The following TRIM67 variants were observed in gnomAD, a reference collection of about 807,000 sequenced individuals.
TRIM67 encodes tripartite motif-containing protein 67.
A neutral mutation model predicts 71.0 loss-of-function variants in TRIM67; 39 were observed. That is an observed-to-expected ratio of 0.55 (90% confidence interval 0.43 to 0.72). TRIM67 has a LOEUF of 0.72. TRIM67 is among the 30% of genes least tolerant of loss of function. The pLI is 0.00. For missense variants in TRIM67, 973 were observed against 1,079.2 expected (o/e 0.90, Z 1.38); for synonymous variants, 481 against 473.9 (o/e 1.01, Z -0.19).
chr1:231,175,099 A>G (rs1422985323), intron 1 of TRIM67, among the ~76,000 whole-genome samples: 2 of 152,222 alleles, frequency 1.3e-5, no homozygotes, highest in African/African-American at 4.8e-5. Context: ...TGGTGCAGAC[A>G]GTGCAGCCAT....
In TRIM67 at chr1:231,206,796, C is replaced by T. The variant is rs770619270; in HGVS notation, c.1819+6C>T. On this transcript the variant is annotated splice_donor_region_variant and intron_variant, in intron 7 of 9. Transcript: ENST00000366653. Reference sequence around the variant, plus strand: ...CGTCCTGCAGACATCCGATGGTGAGCATCGGGATCTCTTAGTGGGAAGAAC... The same window carrying T: ...CGTCCTGCAGACATCCGATGGTGAGTATCGGGATCTCTTAGTGGGAAGAAC... 1.1e-5 allele frequency: 17 copies of T among 1,584,816 alleles called. No individual in the cohort carries two copies. Among genetic ancestry groups the T allele is most frequent in the Middle Eastern group, 3.5e-4 (2 of 5,738 alleles).
At chr1:231,215,075 G>A (rs1047808059) in intron 9 of TRIM67, among the ~76,000 whole-genome samples, 7 of 152,264 alleles carry the variant, frequency 4.6e-5, no homozygotes, top group African/African-American at 1.7e-4. Flanking sequence ...ACGGGAGCCA[G>A]TGCGTGAGAG....
At chr1:231,164,189 C>T (rs937885942) in intron 1 of TRIM67, among the ~76,000 whole-genome samples, 176 bp downstream of exon 1, 1 of 152,212 alleles carries the variant, frequency 6.6e-6, no homozygotes, top group African/African-American at 2.4e-5. Context: ...GTAAGGGACT[C>T]CCGGTACTTT....
chr1:231,199,902 A>G (rs1171720380), intron 3 of TRIM67, among the ~76,000 whole-genome samples: 1 of 152,162 alleles, frequency 6.6e-6, no homozygotes, highest in African/African-American at 2.4e-5. Flanking sequence ...CATGACTATC[A>G]TGAGTTTAGA....
chr1:231,190,989 T>A (rs570739294), intron 1 of TRIM67, among the ~76,000 whole-genome samples: 5 of 152,314 alleles, frequency 3.3e-5, no homozygotes, highest in Admixed American at 3.3e-4. Context: ...TCTGCCTCAA[T>A]CACAGGGTGA....
rs1684010684 is a variant in TRIM67, at chr1:231,216,244, C to T, written c.*804C>T. 1.0e-6 allele frequency: 1 copy of T among 972,108 alleles called. No homozygotes were observed. The highest frequency in any genetic ancestry group is 4.8e-5 in the South Asian group (1 of 20,998). 60.2% of individuals were successfully genotyped at this position (972,108 alleles called of 1,614,324 possible). A position where few individuals can be genotyped will look rare whatever the true frequency, so the allele number is the denominator to read the frequency against. On this transcript the variant is annotated 3_prime_UTR_variant, in exon 10 of 10. Coordinates refer to ENST00000366653, the MANE Select transcript of TRIM67 (RefSeq NM_001004342.5). ...CTCTCTTACTTTCCTCCATCCCTGC[C>T]TCTTTCTTCCCTCTTTCGCTCTCTT...
intron 4 of TRIM67, among the ~76,000 whole-genome samples, chr1:231,200,654 C>T (rs2102749546): frequency 6.6e-6 from 1 of 152,290 alleles, no homozygotes; most frequent in African/African-American, 2.4e-5. Flanking sequence ...AGACACAGTG[C>T]AATTTTCTCG....
At chr1:231,198,876 C>A (rs1683444644) in intron 2 of TRIM67, among the ~76,000 whole-genome samples, 171 bp from the exon 3 acceptor site, 1 of 152,148 alleles carries the variant, frequency 6.6e-6, no homozygotes. Flanking sequence ...TGATGAGATT[C>A]ATAGTACCTG....
Position 231,216,787 on chromosome 1 carries a change from C to A in TRIM67, c.*1347C>A, listed in dbSNP as rs1481575552. ...TCCACATTGATTCATCCACACCTCT[C>A]AGAGACAGCTCATGGCAGGGGTTTT... is the stretch of plus-strand genomic sequence containing the variant. On this transcript the variant is annotated 3_prime_UTR_variant, in exon 10 of 10. Coordinates refer to ENST00000366653, the MANE Select transcript of TRIM67 (RefSeq NM_001004342.5). The A allele has an allele frequency of 1.0e-6, 1 of 985,566 alleles. No homozygotes were observed. Among genetic ancestry groups the A allele is most frequent in the South Asian group, 4.7e-5 (1 of 21,294 alleles). 61.1% of individuals were successfully genotyped at this position (985,566 alleles called of 1,614,324 possible). A position where few individuals can be genotyped will look rare whatever the true frequency, so the allele number is the denominator to read the frequency against.
At position 231,200,249 on chromosome 1, in the gene TRIM67, G is replaced by A. The variant is rs760590597; in HGVS notation, c.1365G>A (p.Gly455=). 6.2e-7 allele frequency: 1 copy of A among 1,610,884 alleles called. No homozygotes were observed. The highest frequency in any genetic ancestry group is 1.3e-5 in the African/African-American group (1 of 74,846). Residue 455 remains glycine, a synonymous_variant, in exon 4 of 10, where the codon GGG becomes GGA. Coordinates refer to ENST00000366653, the MANE Select transcript of TRIM67 (RefSeq NM_001004342.5). The part of the protein sequence containing the change: ...LEVIKENDPS[G]FLQISDALIK... ...TGATCAAGGAGAACGACCCCTCCGG[G>A]TTCTTACAGGTGAGCCTGTCCCTGG...
chr1:231,217,685 G>A lies in TRIM67; in HGVS notation c.*2245G>A. 1 of 1,182,788 alleles carries A rather than the reference G, an allele frequency of 8.5e-7. No individual in the cohort carries two copies. The highest frequency in any genetic ancestry group is 1.1e-6 in the Non-Finnish European group (1 of 935,954). 73.3% of individuals were successfully genotyped at this position (1,182,788 alleles called of 1,614,324 possible). On this transcript the variant is annotated 3_prime_UTR_variant, in exon 10 of 10. Transcript: ENST00000366653. ...CTTCTCACAGGGGAGCCCTGGGGAA[G>A]GCTGTGGAGCCTCCACCATCACCAC...
Position 231,218,552 on chromosome 1 carries a change from T to G in TRIM67, c.*3112T>G. On this transcript the variant is annotated 3_prime_UTR_variant, in exon 10 of 10. Transcript: ENST00000366653. ...CATACATAGCATCCCAGCTCCTAAT[T>G]CAAAGCAGGGGAAGGTATTTCCCCA... 1.0e-6 allele frequency: 1 copy of G among 985,426 alleles called. No homozygotes were observed. Among genetic ancestry groups the G allele is most frequent in the African/African-American group, 1.7e-5 (1 of 57,348 alleles). 61.0% of individuals were successfully genotyped at this position (985,426 alleles called of 1,614,324 possible).
In TRIM67 at chr1:231,163,650, C is replaced by T. The variant is rs1175707385; in HGVS notation, c.681C>T (p.Asp227=). ...CAGCCACGCTCTGCGAGCAGTGCGA[C>T]GTCCTCTACTGCTCTGCCTGCCAGC... ...EPAATLCEQC[D]VLYCSACQLK... is the part of the protein sequence containing the mutation. The change falls in exon 1 of 10, where the codon GAC becomes GAT. Residue 227 remains aspartate (D), a synonymous_variant. Coordinates refer to ENST00000366653, the MANE Select transcript of TRIM67 (RefSeq NM_001004342.5). 2 of 1,524,192 alleles carry T rather than the reference C, an allele frequency of 1.3e-6. No individual in the cohort carries two copies. Among genetic ancestry groups the T allele is most frequent in the Admixed American group, 2.0e-5 (1 of 49,060 alleles). The allele number at this position is 1,524,192 out of a possible 1,614,324, so 94.4% of individuals were successfully genotyped here.
intron 1 of TRIM67, among the ~76,000 whole-genome samples, chr1:231,167,176 A>G (rs866308153): frequency 6.6e-6 from 1 of 151,958 alleles, no homozygotes; most frequent in Non-Finnish European, 1.5e-5. Flanking sequence ...TTTGAGAGCC[A>G]TGGTAAATCG....
chr1:231,217,915 A>G lies in TRIM67; in HGVS notation c.*2475A>G. ...CCCTGAAGTCCAGAGAGGTGCAGCC[A>G]GGACTCCCTCCTCCCCACTGCCACC... On this transcript the variant is annotated 3_prime_UTR_variant, in exon 10 of 10. Transcript: ENST00000366653. 7.8e-7 allele frequency: 1 copy of G among 1,286,156 alleles called. No homozygotes were observed. Among genetic ancestry groups the G allele is most frequent in the Non-Finnish European group, 1.0e-6 (1 of 987,262 alleles). The allele number at this position is 1,286,156 out of a possible 1,614,324, so 79.7% of individuals were successfully genotyped here.
intron 1 of TRIM67, among the ~76,000 whole-genome samples, chr1:231,174,556 T>C (rs779757475): frequency 6.6e-6 from 1 of 152,138 alleles, no homozygotes; most frequent in Admixed American, 6.6e-5. Context: ...TCCATTTCAC[T>C]GGTTATTTTT....
In TRIM67 at chr1:231,217,932, A is replaced by G; in HGVS notation, c.*2492A>G. 1 of 1,278,676 alleles carries G rather than the reference A, an allele frequency of 7.8e-7. No homozygotes were observed. Among genetic ancestry groups the G allele is most frequent in the Non-Finnish European group, 1.0e-6 (1 of 983,734 alleles). The allele number at this position is 1,278,676 out of a possible 1,614,324, so 79.2% of individuals were successfully genotyped here. On this transcript the variant is annotated 3_prime_UTR_variant, in exon 10 of 10. Transcript: ENST00000366653. ...GTGCAGCCAGGACTCCCTCCTCCCCACTGCCACCCTGAGCTTGGGGGCTGG... is the reference window on the plus strand; with the variant it reads ...GTGCAGCCAGGACTCCCTCCTCCCCGCTGCCACCCTGAGCTTGGGGGCTGG...
At chr1:231,197,292 T>A in intron 1 of TRIM67, 79 bp from the exon 2 acceptor site, 2 of 1,233,696 alleles carry the variant, frequency 1.6e-6, no homozygotes, top group Non-Finnish European at 1.2e-6. Context: ...CTTATAAACA[T>A]AAGCTTTTAT....
chr1:231,211,029 A>ATATATAT (rs1403385276), intron 8 of TRIM67, among the ~76,000 whole-genome samples: 1 of 121,632 alleles, frequency 8.2e-6, no homozygotes, highest in African/African-American at 3.2e-5. Flanking sequence ...CCAAAAAAAA[A>ATATATAT]AAATATATAT....
Sources: allele counts gnomAD v4.1 joint callset (sites outside exome capture counted in the v4.1 genomes callset), GRCh38; gene constraint gnomAD v4.1.1; transcripts MANE v1.5; gene names NCBI Gene and HGNC (gene_info 2026-07-23, HGNC 2026-07-21).